The following PPP1R37 variants were observed in gnomAD, a reference collection of about 807,000 sequenced individuals.
PPP1R37 encodes the protein protein phosphatase 1 regulatory subunit 37.
PPP1R37 carries 21 observed loss-of-function variants against 61.0 expected under a neutral mutation model. That is an observed-to-expected ratio of 0.34 (90% CI 0.24 to 0.50). PPP1R37 has a LOEUF of 0.50. Among genes scored for constraint, PPP1R37 ranks in the 20% least tolerant of loss-of-function variants. The pLI, the probability that PPP1R37 is intolerant of heterozygous loss-of-function variation, is 0.98. For synonymous variants in PPP1R37, 443 were observed against 433.5 expected (o/e 1.02, Z -0.27); for missense variants, 910 against 952.7 (o/e 0.96, Z 0.59).
rs1339035363 is a variant in PPP1R37, at chr19:45,121,701, C to T, written c.203-16813C>T. Among the ~76,000 whole-genome samples, 2 of 152,176 alleles carry T rather than the reference C, an allele frequency of 1.3e-5. No individual in the cohort carries two copies. The highest frequency in any genetic ancestry group is 2.4e-5 in the African/African-American group (1 of 41,456). ...TGCTCTTGAGGGGCCTCTGGATGCC[C>T]GCGGTGGGGTGCTGGGGCCTCCACG... On this transcript the variant is annotated intron_variant, in intron 1 of 12. Coordinates refer to ENST00000221462, the MANE Select transcript of PPP1R37 (RefSeq NM_019121.2). The surrounding 1 kb of genome is among the most constrained non-coding windows in gnomAD (Gnocchi z 4.2).
intron 1 of PPP1R37, among the ~76,000 whole-genome samples, chr19:45,122,988 A>T (rs1433465620): frequency 6.6e-6 from 1 of 151,970 alleles, no homozygotes; most frequent in Non-Finnish European, 1.5e-5. Flanking sequence ...TTTCTTCACA[A>T]AGTTCCCTCT....
At chr19:45,101,916 C>A (rs1057245661) in intron 1 of PPP1R37, among the ~76,000 whole-genome samples, 3 of 152,218 alleles carry the variant, frequency 2.0e-5, no homozygotes, top group African/African-American at 7.2e-5. Flanking sequence ...TCCTCTGAGT[C>A]CTCCCCTCCA....
Position 45,145,496 on chromosome 19 carries a change from C to G in PPP1R37, c.1440C>G (p.Thr480=), listed in dbSNP as rs761912418. Residue 480 remains threonine, a synonymous_variant, in exon 11 of 13, where the codon ACC becomes ACG. Transcript: ENST00000221462. The part of the protein sequence containing the change: ...LSASMPETTA[T]EPQPDDEPAA... ...CCTCCATGCCTGAGACCACCGCCAC[C>G]GAGCCCCAGCCCGACGACGAGCCCG... 2 of 1,534,470 alleles carry G rather than the reference C, an allele frequency of 1.3e-6. No individual in the cohort carries two copies. The highest frequency in any genetic ancestry group is 1.7e-6 in the Non-Finnish European group (2 of 1,146,298).
chr19:45,141,030 C>G (rs1470883747), intron 4 of PPP1R37, among the ~76,000 whole-genome samples: 1 of 152,184 alleles, frequency 6.6e-6, no homozygotes, highest in African/African-American at 2.4e-5. Context: ...GGGCAGGGGA[C>G]CTGGAGAACT....
At position 45,141,305 on chromosome 19, in the gene PPP1R37, C is replaced by T. The variant is rs1034311768; in HGVS notation, c.448-17C>T. On this transcript the variant is annotated splice_polypyrimidine_tract_variant and intron_variant, in intron 4 of 12. Coordinates refer to ENST00000221462, the MANE Select transcript of PPP1R37 (RefSeq NM_019121.2). ...CAGCCCAGAGCTGAGGCTGAGCCCCCGAATCTCTATGCGCAGGGTGCCTCG... is the reference window on the plus strand; with the variant it reads ...CAGCCCAGAGCTGAGGCTGAGCCCCTGAATCTCTATGCGCAGGGTGCCTCG... The T allele has an allele frequency of 5.9e-6, 9 of 1,531,268 alleles. 1 individual carries two copies. The highest frequency in any genetic ancestry group is 4.8e-5 in the South Asian group (4 of 83,446). 94.9% of individuals were successfully genotyped at this position (1,531,268 alleles called of 1,614,324 possible).
chr19:45,123,881 C>T (rs1968370474), intron 1 of PPP1R37, among the ~76,000 whole-genome samples: 1 of 152,326 alleles, frequency 6.6e-6, no homozygotes, highest in South Asian at 2.1e-4. Flanking sequence ...CAGTAATCTT[C>T]CTAAGCATGG....
chr19:45,116,945 C>T (rs1327549238), intron 1 of PPP1R37, among the ~76,000 whole-genome samples: 1 of 145,686 alleles, frequency 6.9e-6, no homozygotes, highest in Non-Finnish European at 1.5e-5. Context: ...CAGAGTTTCG[C>T]TCTTTTTGCC....
At chr19:45,144,552 G>C (rs1968658139) in intron 8 of PPP1R37, 1 of 408,310 alleles carries the variant, frequency 2.4e-6, no homozygotes, top group African/African-American at 2.1e-5. Flanking sequence ...CTCCTTGGGG[G>C]CTTCAGGGCG....
Position 45,138,374 on chromosome 19 carries a change from G to A in PPP1R37, c.203-140G>A, listed in dbSNP as rs939534476. 23 of 643,014 alleles carry A rather than the reference G, an allele frequency of 3.6e-5. 1 individual carries two copies. In the South Asian group the frequency reaches 4.0e-4, roughly 11 times the overall value. The allele number at this position is 643,014 out of a possible 1,614,324, so 39.8% of individuals were successfully genotyped here. A position where few individuals can be genotyped will look rare whatever the true frequency, so the allele number is the denominator to read the frequency against. On this transcript the variant is annotated intron_variant, in intron 1 of 12. Transcript: ENST00000221462. ...TGGCCAGCGGGGGGCCTGAAAGGGA[G>A]GACAGAGCTCAGGCAGCCTGTTGTT... is the stretch of plus-strand genomic sequence containing the variant.
In PPP1R37 at chr19:45,093,236, C is replaced by T; in HGVS notation, c.-90C>T. The T allele has an allele frequency of 9.4e-7, 1 of 1,063,518 alleles. No individual in the cohort carries two copies. The highest frequency in any genetic ancestry group is 1.2e-6 in the Non-Finnish European group (1 of 807,438). The allele number at this position is 1,063,518 out of a possible 1,614,324, so 65.9% of individuals were successfully genotyped here. ...GCGGCGCCTGAAGCGGCGGCGGAGC[C>T]CATGCCCCGGGACGGCGGGCGGACC... On this transcript the variant is annotated 5_prime_UTR_variant, in exon 1 of 13. Transcript: ENST00000221462.
At chr19:45,097,163 C>G (rs1351427836) in intron 1 of PPP1R37, among the ~76,000 whole-genome samples, 1 of 151,608 alleles carries the variant, frequency 6.6e-6, no homozygotes, top group Non-Finnish European at 1.5e-5. Flanking sequence ...GGCTGGAGGA[C>G]TGCAGGGAGG....
Position 45,093,312 on chromosome 19 carries a change from A to C in PPP1R37, c.-14A>C. 1 of 1,403,856 alleles carries C rather than the reference A, an allele frequency of 7.1e-7. No individual in the cohort carries two copies. Among genetic ancestry groups the C allele is most frequent in the Non-Finnish European group, 9.2e-7 (1 of 1,085,378 alleles). 87.0% of individuals were successfully genotyped at this position (1,403,856 alleles called of 1,614,324 possible). On this transcript the variant is annotated 5_prime_UTR_variant, in exon 1 of 13. Transcript: ENST00000221462. ...GCATGTCCCCGGGGCCCCCGTGAGG[A>C]GGCGGCGGCGGCTATGGAGATCGCG... is the stretch of plus-strand genomic sequence containing the variant.
intron 5 of PPP1R37, 51 bp from the exon 6 acceptor site, chr19:45,142,010 G>A: frequency 2.8e-6 from 4 of 1,431,346 alleles, no homozygotes; most frequent in African/African-American, 2.8e-5. Context: ...GCCAGGGAGT[G>A]CTGGGGCAGG....
intron 1 of PPP1R37, among the ~76,000 whole-genome samples, chr19:45,102,702 T>C (rs1193458987): frequency 1.3e-5 from 2 of 152,252 alleles, no homozygotes; most frequent in Non-Finnish European, 2.9e-5. Flanking sequence ...CCTGGACCAC[T>C]TTCCCCATTT....
At chr19:45,107,751 C>A (rs1968150811) in intron 1 of PPP1R37, among the ~76,000 whole-genome samples, 1 of 152,156 alleles carries the variant, frequency 6.6e-6, no homozygotes, top group African/African-American at 2.4e-5. Context: ...CATTTCCTTC[C>A]CGTCTCTTCT....
intron 1 of PPP1R37, among the ~76,000 whole-genome samples, chr19:45,127,136 G>C (rs1024811028): frequency 2.0e-5 from 3 of 152,018 alleles, no homozygotes; most frequent in Non-Finnish European, 2.9e-5. Context: ...GATCACCTGA[G>C]GTCAGGAGTT....
chr19:45,138,418 G>A (rs758385545), intron 1 of PPP1R37, 96 bp from the exon 2 acceptor site: 8 of 799,394 alleles, frequency 1.0e-5, no homozygotes, highest in Non-Finnish European at 1.6e-5. Context: ...GCTGAAGAGG[G>A]CAGTATGGGC....
intron 10 of PPP1R37, 35 bp from the exon 11 acceptor site, chr19:45,145,318 G>A (rs1236448354): frequency 5.3e-6 from 8 of 1,523,156 alleles, no homozygotes; most frequent in Admixed American, 2.0e-5. Context: ...TGGTGGGGCC[G>A]GCCTGAGAGC....
intron 1 of PPP1R37, among the ~76,000 whole-genome samples, chr19:45,107,742 A>G (rs1378797461): frequency 1.3e-5 from 2 of 152,180 alleles, no homozygotes; most frequent in Non-Finnish European, 2.9e-5. Flanking sequence ...ATGCCAGTGC[A>G]TTTCCTTCCC....
Sources: allele counts gnomAD v4.1 joint callset (sites outside exome capture counted in the v4.1 genomes callset), GRCh38; gene constraint gnomAD v4.1.1; non-coding constraint Gnocchi (gnomAD v3.1); transcripts MANE v1.5; gene names NCBI Gene and HGNC (gene_info 2026-07-23, HGNC 2026-07-21).